BDP1: variants seen among roughly 807,000 people sequenced by gnomAD.
The protein encoded by BDP1 is BDP1 general transcription factor IIIB subunit.
In BDP1, 169 loss-of-function variants were observed where a neutral mutation model predicts 266.6. The ratio of observed to expected loss-of-function variants is 0.63; its 90% CI spans 0.56 to 0.72. The LOEUF (loss-of-function observed/expected upper bound fraction) is 0.72. Among genes scored for constraint, BDP1 ranks in the 30% least tolerant of loss-of-function variants. The pLI is 0.00. For synonymous variants in BDP1, 1,090 were observed against 1,022.4 expected (o/e 1.07, Z -1.26); for missense variants, 3,015 against 3,053.8 (o/e 0.99, Z 0.30).
At chr5:71,499,342 C>A (rs902587471) in intron 13 of BDP1, among the ~76,000 whole-genome samples, 1 of 152,172 alleles carries the variant, frequency 6.6e-6, no homozygotes, top group African/African-American at 2.4e-5. Context: ...TTCAGCTGAC[C>A]ACGGTGGCAC....
rs182772153 is a variant in BDP1 at position 71,480,204 on chromosome 5, G to T, written c.1015-3638G>T. Among the ~76,000 whole-genome samples the T allele has an allele frequency of 3.4e-3, 512 of 149,990 alleles. 3 individuals are homozygous for T. Among genetic ancestry groups the T allele is most frequent in the African/African-American group, 0.012 (482 of 40,718 alleles). On this transcript the variant is annotated intron_variant, in intron 7 of 38. Transcript: ENST00000358731. ...CAACTCACTGCAACCTCTGTCTCCT[G>T]GGTTCAGGTGATTCTCCTGCCTCAG...
chr5:71,520,732 C>T (rs567819364), intron 22 of BDP1, among the ~76,000 whole-genome samples: 1 of 151,898 alleles, frequency 6.6e-6, no homozygotes, highest in South Asian at 2.1e-4. Flanking sequence ...AAAATGCTGT[C>T]ACTGTGGAGT....
chr5:71,558,499 G>T (rs992365552), intron 36 of BDP1, among the ~76,000 whole-genome samples: 4 of 151,852 alleles, frequency 2.6e-5, no homozygotes, highest in African/African-American at 9.7e-5. Flanking sequence ...GCCAGCCTGG[G>T]TGACAGAGCA....
At chr5:71,489,766 C>T (rs1011992739) in intron 10 of BDP1, 84 bp downstream of exon 10, 34 of 1,200,930 alleles carry the variant, frequency 2.8e-5, no homozygotes, top group Non-Finnish European at 3.9e-5. Flanking sequence ...AATTTTCTGT[C>T]TAGATAGCAA....
chr5:71,553,095 A>T, intron 34 of BDP1, 21 bp from the exon 35 acceptor site: 3 of 1,559,284 alleles, frequency 1.9e-6, no homozygotes, highest in Non-Finnish European at 2.6e-6. Context: ...GTAATTTAGT[A>T]TGTATTTCTT....
At chr5:71,518,135 A>ATGTG (rs1174654175) in intron 22 of BDP1, among the ~76,000 whole-genome samples, 26 of 152,166 alleles carry the variant, frequency 1.7e-4, no homozygotes, top group Admixed American at 1.6e-3. Flanking sequence ...TTAAAGCAAG[A>ATGTG]TGTGTTCTTT....
intron 16 of BDP1, 21 bp downstream of exon 16, chr5:71,504,772 A>T: frequency 6.2e-7 from 1 of 1,603,476 alleles, no homozygotes; most frequent in Non-Finnish European, 8.5e-7. Flanking sequence ...TTTTGTTGAT[A>T]TATAATCTTT....
At chr5:71,532,476 T>G in intron 26 of BDP1, 49 bp downstream of exon 26, 1 of 1,581,320 alleles carries the variant, frequency 6.3e-7, no homozygotes, top group Non-Finnish European at 8.6e-7. Flanking sequence ...TTGTTTACTT[T>G]GAAAAGACTG....
chr5:71,520,161 T>C (rs1219536335), intron 22 of BDP1, among the ~76,000 whole-genome samples: 1 of 152,210 alleles, frequency 6.6e-6, no homozygotes, highest in Non-Finnish European at 1.5e-5. Flanking sequence ...TTATTTGTTT[T>C]TTTGCTATTG....
At chr5:71,516,323 C>T in intron 21 of BDP1, 52 bp downstream of exon 21, 2 of 1,332,572 alleles carry the variant, frequency 1.5e-6, no homozygotes, top group Non-Finnish European at 2.1e-6. Context: ...TTTAAAATGT[C>T]AAGTTATAGC....
intron 7 of BDP1, among the ~76,000 whole-genome samples, chr5:71,477,200 C>G (rs534030512): frequency 2.6e-5 from 4 of 151,742 alleles, no homozygotes; most frequent in African/African-American, 4.8e-5. Context: ...CTTTGTTGCT[C>G]GGGCTGGAGT....
At chr5:71,473,264 T>TATGTAA (rs1416936791) in intron 7 of BDP1, among the ~76,000 whole-genome samples, 1 of 9,036 alleles carries the variant, frequency 1.1e-4, no homozygotes, top group Admixed American at 1.9e-3. Flanking sequence ...TTAATGTAAT[T>TATGTAA]TTTTTTTTTT....
Position 71,505,646 on chromosome 5 carries a change from C to T in BDP1, c.2372+895C>T, listed in dbSNP as rs796712148. On this transcript the variant is annotated intron_variant, in intron 16 of 38. Coordinates refer to ENST00000358731, the MANE Select transcript of BDP1 (RefSeq NM_018429.3). ...TCCAGTTTCAGTAATTAATATTTACCAGTCTTTACGTTTAAAGGCTAGCCT... is the reference window on the plus strand; with the variant it reads ...TCCAGTTTCAGTAATTAATATTTACTAGTCTTTACGTTTAAAGGCTAGCCT... 4.5e-4 allele frequency among the ~76,000 whole-genome samples: 69 copies of T among 152,244 alleles called. 1 individual carries two copies. Among genetic ancestry groups the T allele is most frequent in the African/African-American group, 1.6e-3 (68 of 41,554 alleles).
intron 37 of BDP1, among the ~76,000 whole-genome samples, 163 bp from the exon 38 acceptor site, chr5:71,562,111 T>G (rs1743699087): frequency 7.1e-6 from 1 of 140,590 alleles, no homozygotes; most frequent in Admixed American, 7.8e-5. Flanking sequence ...AGCAGGAGAA[T>G]CTCTTGAACC....
chr5:71,564,357 T>TTTTA (rs200452681), intron 38 of BDP1, among the ~76,000 whole-genome samples: 1 of 151,584 alleles, frequency 6.6e-6, no homozygotes, highest in Non-Finnish European at 1.5e-5. Flanking sequence ...GTATTTTTAC[T>TTTTA]TTATTTAGTG....
chr5:71,480,472 G>A (rs1206049821), intron 7 of BDP1, among the ~76,000 whole-genome samples: 2 of 151,466 alleles, frequency 1.3e-5, no homozygotes, highest in East Asian at 3.9e-4. Flanking sequence ...GTTTCATCAC[G>A]TTGGCCAGGC....
At chr5:71,550,991 C>T (rs1166555637) in intron 34 of BDP1, among the ~76,000 whole-genome samples, 1 of 152,132 alleles carries the variant, frequency 6.6e-6, no homozygotes, top group Non-Finnish European at 1.5e-5. Context: ...CAGACGTGAG[C>T]CACTGCGCCT....
rs1172759909 is a variant in BDP1, at chr5:71,491,004, C to G, written c.1513C>G (p.Pro505Ala). Reference protein sequence around the residue: ...KHKNKCQAIRPELKEGECSKE... With the variant: ...KHKNKCQAIRAELKEGECSKE... ...TGTAGATAAATGTCAGGCTATAAGG[C>G]CTGAGCTAAAGGAAGGTGAATGCAG... Residue 505 changes from proline to alanine, a missense_variant, in exon 11 of 39, where the codon CCT becomes GCT. By Grantham distance (27) the Pro-to-Ala change is conservative. Coordinates refer to ENST00000358731, the MANE Select transcript of BDP1 (RefSeq NM_018429.3). The G allele has an allele frequency of 6.2e-7, 1 of 1,610,822 alleles. No homozygotes were observed. Among genetic ancestry groups the G allele is most frequent in the Non-Finnish European group, 8.5e-7 (1 of 1,178,486 alleles).
chr5:71,528,130 T>C (rs1454144734), intron 25 of BDP1, among the ~76,000 whole-genome samples: 1 of 152,176 alleles, frequency 6.6e-6, no homozygotes, highest in East Asian at 1.9e-4. Flanking sequence ...CTCGATCTTA[T>C]GTTAATTCTA....
Sources: allele counts gnomAD v4.1 joint callset (sites outside exome capture counted in the v4.1 genomes callset), GRCh38; gene constraint gnomAD v4.1.1; transcripts MANE v1.5; gene names NCBI Gene and HGNC (gene_info 2026-07-23, HGNC 2026-07-21).